The following ORC1 variants were observed in gnomAD, a reference collection of about 807,000 sequenced individuals.
ORC1 encodes origin recognition complex, subunit 1 homolog.
A neutral mutation model predicts 98.9 loss-of-function variants in ORC1; 61 were observed. The ratio of observed to expected loss-of-function variants is 0.62; its 90% CI spans 0.50 to 0.76. The LOEUF is 0.76. Among genes scored for constraint, ORC1 ranks in the 30% least tolerant of loss-of-function variants. The pLI is 0.00. For missense variants in ORC1, 979 were observed against 1,072.2 expected (o/e 0.91, Z 1.21); for synonymous variants, 385 against 406.9 (o/e 0.95, Z 0.65).
intron 2 of ORC1, 50 bp from the exon 3 acceptor site, chr1:52,401,539 G>A: frequency 6.2e-7 from 1 of 1,605,644 alleles, no homozygotes; most frequent in Non-Finnish European, 8.5e-7. Context: ...AGTGGGTCAA[G>A]CTCTTCAGAT....
chr1:52,377,703 C>CAAAAA (rs58266239), intron 14 of ORC1, among the ~76,000 whole-genome samples: 92 of 58,718 alleles, frequency 1.6e-3, no homozygotes, highest in African/African-American at 1.8e-3. Context: ...CCCCTAGAAG[C>CAAAAA]AAAAAAAAAA....
At chr1:52,401,632 G>T in intron 2 of ORC1, 143 bp from the exon 3 acceptor site, 1 of 990,552 alleles carries the variant, frequency 1.0e-6, no homozygotes, top group African/African-American at 1.6e-5. Context: ...AATTCGCCCA[G>T]TTATATTTAA....
chr1:52,385,340 A>T (rs1473469447), intron 9 of ORC1, 78 bp from the exon 10 acceptor site: 2 of 944,200 alleles, frequency 2.1e-6, no homozygotes, highest in African/African-American at 3.2e-5. Context: ...TCAATGGAAA[A>T]TGATTATGGT....
In ORC1 at chr1:52,373,814, C is replaced by T. The variant is rs12045427; in HGVS notation, c.2392-439G>A. On this transcript the variant is annotated intron_variant, in intron 16 of 16. Transcript: ENST00000371568. ...TTTGCTACAAGGCCACTTTCCTTAT[C>T]AGGTACAGTGAGCAAATGCCAAGGC... Among the ~76,000 whole-genome samples the T allele has an allele frequency of 9.2e-3, 1,404 of 152,226 alleles. 61 individuals are homozygous for T. The East Asian group carries it at 0.12, about 13-fold the overall frequency.
intron 3 of ORC1, among the ~76,000 whole-genome samples, chr1:52,399,484 C>A (rs895766372): frequency 6.6e-6 from 1 of 152,030 alleles, no homozygotes; most frequent in Non-Finnish European, 1.5e-5. Flanking sequence ...ATTAGCTGGG[C>A]ATGGTGGCGG....
intron 5 of ORC1, among the ~76,000 whole-genome samples, chr1:52,394,382 G>A (rs542083943): frequency 6.6e-6 from 1 of 152,198 alleles, no homozygotes; most frequent in Non-Finnish European, 1.5e-5. Flanking sequence ...AAAGGCAGGC[G>A]TGTGCCAGGG....
intron 1 of ORC1, among the ~76,000 whole-genome samples, chr1:52,403,915 A>T (rs1168089776): frequency 6.6e-6 from 1 of 152,130 alleles, no homozygotes; most frequent in Non-Finnish European, 1.5e-5. Context: ...AGAACGAAAC[A>T]AGTAGAGTGC....
chr1:52,373,337 T>A lies in ORC1; in HGVS notation c.2430A>T (p.Gly810=), dbSNP rs372013891. Reference sequence around the variant, plus strand: ...TCTCTGACATGGTGGGGTACGGCAGTCCCTCCATTCTGCACAGTGCCACAT... The same window carrying A: ...TCTCTGACATGGTGGGGTACGGCAGACCCTCCATTCTGCACAGTGCCACAT... ...SQHVALCRME[G]LPYPTMSETM... Residue 810 remains glycine (G), a synonymous_variant, in exon 17 of 17, where the codon GGA becomes GGT. Coordinates refer to ENST00000371568, the MANE Select transcript of ORC1 (RefSeq NM_004153.4). 8.1e-6 allele frequency: 13 copies of A among 1,613,958 alleles called. No individual in the cohort carries two copies. Among genetic ancestry groups the A allele is most frequent in the Non-Finnish European group, 1.0e-5 (12 of 1,180,006 alleles).
rs3087472 is a variant in ORC1 at position 52,388,503 on chromosome 1, C to A, written c.1322G>T (p.Arg441Met). The A allele has an allele frequency of 9.3e-5, 150 of 1,614,200 alleles. No individual in the cohort carries two copies. The highest frequency in any genetic ancestry group is 3.2e-5 in the Non-Finnish European group (38 of 1,180,026). The change falls in exon 8 of 17, where the codon AGG becomes ATG. Residue 441 changes from arginine to methionine, a missense_variant. Physicochemically the swap from Arg to Met is moderately conservative, Grantham distance 91. Transcript: ENST00000371568. ...LPRRAPRTVS[R>M]NLRSSLKSSL... ...TGACTTCAAGGAAGATCGCAGGTTC[C>A]TGGACACAGTTCTGGGTGCTCTCCT...
chr1:52,396,227 T>G lies in ORC1; in HGVS notation c.540A>C (p.Gln180His), dbSNP rs3087482. 3,533 of 1,614,158 alleles carry G rather than the reference T, an allele frequency of 2.2e-3. 78 individuals carry two copies. The African/African-American group carries it at 0.043, about 20-fold the overall frequency. ...GTTTCTGGCACTTGGCTGCACTCTC[T>G]TGTGGTTTATTCAACTCCGCAAATA... ...SELFAELNKPQESAAKCQKPV... is the reference protein window; with the variant it reads ...SELFAELNKPHESAAKCQKPV... Residue 180 changes from glutamine (Q) to histidine (H), a missense_variant, in exon 5 of 17, where the codon CAA becomes CAC. Gln to His is a conservative substitution (Grantham distance 24, BLOSUM62 0). Coordinates refer to ENST00000371568, the MANE Select transcript of ORC1 (RefSeq NM_004153.4).
intron 9 of ORC1, among the ~76,000 whole-genome samples, chr1:52,385,620 A>C (rs1647131802): frequency 6.6e-6 from 1 of 152,214 alleles, no homozygotes; most frequent in Non-Finnish European, 1.5e-5. Flanking sequence ...AAATGATGGC[A>C]GTAGACGGGA....
At chr1:52,408,412 GCTGT>G (rs764313744), upstream of ORC1, 323 of 928,108 alleles carry the variant, frequency 3.5e-4, 1 homozygote, top group Middle Eastern at 8.4e-4. Flanking sequence ...CCATATTTTA[GCTGT>G]CTTTCTTCTG....
At chr1:52,395,204 C>T (rs925278662) in intron 5 of ORC1, among the ~76,000 whole-genome samples, 1 of 151,854 alleles carries the variant, frequency 6.6e-6, no homozygotes, top group African/African-American at 2.4e-5. Context: ...GGGGAAAAAG[C>T]AAGTTGGAAA....
intron 3 of ORC1, among the ~76,000 whole-genome samples, chr1:52,401,118 G>T (rs1647684785): frequency 6.7e-6 from 1 of 149,212 alleles, no homozygotes; most frequent in Admixed American, 6.7e-5. Context: ...TGCCTTAATA[G>T]CCTTGCTTAC....
rs1288214332 is a variant in ORC1, at chr1:52,373,037, T to C, written c.*144A>G. Reference sequence around the variant, plus strand: ...GTTTCAGCCACCTGGGAGGATGAGGTTGGGGGGTCACCTAAGCCTGAGAAG... The same window carrying C: ...GTTTCAGCCACCTGGGAGGATGAGGCTGGGGGGTCACCTAAGCCTGAGAAG... On this transcript the variant is annotated 3_prime_UTR_variant, in exon 17 of 17. Transcript: ENST00000371568. 5 of 860,922 alleles carry C rather than the reference T, an allele frequency of 5.8e-6. No individual in the cohort carries two copies. Among genetic ancestry groups the C allele is most frequent in the Admixed American group, 3.4e-5 (2 of 58,040 alleles). 53.3% of individuals were successfully genotyped at this position (860,922 alleles called of 1,614,324 possible).
chr1:52,399,009 A>C (rs1647565413), intron 3 of ORC1, among the ~76,000 whole-genome samples: 1 of 152,170 alleles, frequency 6.6e-6, no homozygotes, highest in African/African-American at 2.4e-5. Flanking sequence ...AACTGCAGCA[A>C]TCTAATTCCA....
At position 52,397,865 on chromosome 1, in the gene ORC1, T is replaced by C. The variant is rs748324368; in HGVS notation, c.224-2A>G. The C allele has an allele frequency of 2.5e-6, 4 of 1,614,088 alleles. No individual in the cohort carries two copies. ...GTTTCTTAGGAGGAGGATCAGAGTCTAGAAAGAATTTGGTGGAAAGGGAAA... is the reference window on the plus strand; with the variant it reads ...GTTTCTTAGGAGGAGGATCAGAGTCCAGAAAGAATTTGGTGGAAAGGGAAA... On this transcript the variant is annotated splice_acceptor_variant, in intron 3 of 16. Coordinates refer to ENST00000371568, the MANE Select transcript of ORC1 (RefSeq NM_004153.4). LOFTEE classifies it high-confidence loss of function.
chr1:52,380,356 A>C (rs1028463214), intron 14 of ORC1, among the ~76,000 whole-genome samples: 3 of 152,250 alleles, frequency 2.0e-5, no homozygotes, highest in Admixed American at 2.0e-4. Context: ...AAATCAACTG[A>C]CAGAAGCATC....
upstream of ORC1, chr1:52,405,822 C>A (rs764502325): frequency 5.6e-6 from 9 of 1,613,746 alleles, 1 homozygote; most frequent in South Asian, 8.8e-5. Context: ...TAGAGTTTAT[C>A]AAAAATGAAG....
Sources: allele counts gnomAD v4.1 joint callset (sites outside exome capture counted in the v4.1 genomes callset), GRCh38; gene constraint gnomAD v4.1.1; transcripts MANE v1.5; gene names NCBI Gene and HGNC (gene_info 2026-07-23, HGNC 2026-07-21).